NCR1: variants seen among roughly 807,000 people sequenced by gnomAD.
NCR1 encodes natural cytotoxicity triggering receptor 1.
NCR1 carries 30 observed loss-of-function variants against 32.5 expected under a neutral mutation model. That is an observed-to-expected ratio of 0.92 (90% CI 0.69 to 1.25). The LOEUF is 1.25. Ranked by LOEUF, NCR1 falls within the 50% of genes most tolerant of loss-of-function variation. NCR1 has a pLI of 0.00. For synonymous variants in NCR1, 169 were observed against 143.4 expected (o/e 1.18, Z -1.28); for missense variants, 369 against 380.7 (o/e 0.97, Z 0.26).
chr19:54,926,987 G>C, the NCR1 span, among the ~76,000 whole-genome samples: 1 of 151,646 alleles, frequency 6.6e-6, no homozygotes, highest in Non-Finnish European at 1.5e-5. Context: ...CTACTCAGGA[G>C]GTTGAGGCAG....
chr19:54,917,622 C>T (rs1453306122), downstream of NCR1, among the ~76,000 whole-genome samples: 1 of 152,106 alleles, frequency 6.6e-6, no homozygotes, highest in Non-Finnish European at 1.5e-5. Context: ...GCCTAGGATC[C>T]TGCACCTCTC....
chr19:54,928,461 G>A, the NCR1 span, among the ~76,000 whole-genome samples: 2 of 152,112 alleles, frequency 1.3e-5, no homozygotes, highest in Non-Finnish European at 2.9e-5. Flanking sequence ...AAGGCAGAGG[G>A]GAGTGAGCAG....
chr19:54,917,703 T>C (rs551247344), downstream of NCR1, among the ~76,000 whole-genome samples: 14 of 152,268 alleles, frequency 9.2e-5, no homozygotes, highest in East Asian at 2.7e-3. Flanking sequence ...CCCATGGTAA[T>C]TTTTAATTGT....
chr19:54,931,628 T>C, the NCR1 span, among the ~76,000 whole-genome samples: 45,224 of 149,096 alleles, frequency 0.3, 7,077 homozygotes, highest in East Asian at 0.41. Flanking sequence ...ACGGAGGTTG[T>C]GGTGAGCAGA....
downstream of NCR1, among the ~76,000 whole-genome samples, chr19:54,919,390 C>T (rs562755796): frequency 5.7e-4 from 87 of 152,336 alleles, no homozygotes; most frequent in Admixed American, 1.3e-3. Context: ...ACGTGGGTCA[C>T]GTGTCCACTG....
intron 5 of NCR1, among the ~76,000 whole-genome samples, chr19:54,911,188 A>T (rs1279257002): frequency 6.6e-6 from 1 of 151,776 alleles, no homozygotes; most frequent in Non-Finnish European, 1.5e-5. Flanking sequence ...CTACTAAAAA[A>T]AAATACAAAA....
At chr19:54,913,150 C>A, downstream of NCR1, 1 of 246,538 alleles carries the variant, frequency 4.1e-6, no homozygotes, top group Non-Finnish European at 7.8e-6. Context: ...GCTCTCCATC[C>A]CTCGGGTTCA....
chr19:54,903,372 A>ATACATGTATGTATATACATATATG, upstream of NCR1, among the ~76,000 whole-genome samples: 1 of 126,430 alleles, frequency 7.9e-6, no homozygotes, highest in Non-Finnish European at 1.6e-5. Flanking sequence ...ACATGTATAT[A>ATACATGTATGTATATACATATATG]TACATGTATG....
chr19:54,909,084 C>T (rs745441497), intron 3 of NCR1, among the ~76,000 whole-genome samples, 161 bp from the exon 4 acceptor site: 27 of 150,898 alleles, frequency 1.8e-4, no homozygotes, highest in Non-Finnish European at 3.1e-4. Flanking sequence ...GCAGGAGAAA[C>T]GCTTGAACCC....
chr19:54,927,622 T>A, the NCR1 span: 5 of 1,613,988 alleles, frequency 3.1e-6, no homozygotes, highest in Admixed American at 8.3e-5. Context: ...TCTTCAAGGA[T>A]CCAGTTCTTT....
At chr19:54,922,004 C>G in the NCR1 span, among the ~76,000 whole-genome samples, 1 of 151,900 alleles carries the variant, frequency 6.6e-6, no homozygotes, top group Non-Finnish European at 1.5e-5. Context: ...TCAAGCGATT[C>G]TCCTGCCTCA....
At chr19:54,923,635 G>A in the NCR1 span, 17 of 1,318,956 alleles carry the variant, frequency 1.3e-5, 1 homozygote, top group South Asian at 3.5e-5. Flanking sequence ...CCTACCTCTC[G>A]ACAGACTCTA....
chr19:54,898,201 A>ATG, the NCR1 span, among the ~76,000 whole-genome samples: 1 of 152,176 alleles, frequency 6.6e-6, no homozygotes, highest in Non-Finnish European at 1.5e-5. Flanking sequence ...CTTGGGCCAG[A>ATG]GTTCTAGCTG....
chr19:54,902,554 A>T (rs2146005157), upstream of NCR1, among the ~76,000 whole-genome samples: 1 of 152,086 alleles, frequency 6.6e-6, no homozygotes, highest in African/African-American at 2.4e-5. Context: ...GGTGTGAGCC[A>T]CTGCACCTGG....
upstream of NCR1, chr19:54,906,054 T>C (rs587772663): frequency 8.3e-4 from 890 of 1,070,646 alleles, 3 homozygotes; most frequent in Non-Finnish European, 1.2e-3. Flanking sequence ...GTGAACGTTC[T>C]GATGAAAGCA....
the NCR1 span, chr19:54,934,606 A>C: frequency 6.2e-7 from 1 of 1,614,106 alleles, no homozygotes; most frequent in Non-Finnish European, 8.5e-7. This position sits in a 1 kb window ranked among gnomAD's most constrained non-coding sequence, Gnocchi z 6.7. Flanking sequence ...GTTGGCTTTG[A>C]GGACATAGAA....
chr19:54,914,709 G>T (rs1047791151), downstream of NCR1, among the ~76,000 whole-genome samples: 8 of 150,788 alleles, frequency 5.3e-5, no homozygotes, highest in East Asian at 7.8e-4. Flanking sequence ...TTTCCTCCAA[G>T]AGTTTCCACA....
At chr19:54,899,210 T>C in the NCR1 span, among the ~76,000 whole-genome samples, 1 of 152,062 alleles carries the variant, frequency 6.6e-6, no homozygotes, top group African/African-American at 2.4e-5. Context: ...GATGGAAAAA[T>C]TGAAAGTGCC....
At chr19:54,913,396 C>A (rs2068067148), downstream of NCR1, among the ~76,000 whole-genome samples, 1 of 152,206 alleles carries the variant, frequency 6.6e-6, no homozygotes, top group African/African-American at 2.4e-5. Flanking sequence ...CTCTTCTAGG[C>A]TCTAACTATT....
Sources: allele counts gnomAD v4.1 joint callset (sites outside exome capture counted in the v4.1 genomes callset), GRCh38; gene constraint gnomAD v4.1.1; non-coding constraint Gnocchi (gnomAD v3.1); transcripts MANE v1.5; gene names NCBI Gene and HGNC (gene_info 2026-07-23, HGNC 2026-07-21).